Variants in GPHN observed in about 807,000 individuals in gnomAD.
GPHN encodes gephyrin.
GPHN carries 17 observed loss-of-function variants against 95.5 expected under a neutral mutation model. The ratio of observed to expected loss-of-function variants is 0.18; its 90% CI spans 0.12 to 0.27. GPHN has a LOEUF of 0.27. Among genes scored for constraint, GPHN ranks in the 10% least tolerant of loss-of-function variants. The pLI is 1.00. For missense variants in GPHN, 660 were observed against 978.1 expected, an observed-to-expected ratio of 0.67 and a Z score of 4.34; for synonymous variants, 320 against 322.5, an observed-to-expected ratio of 0.99 and a Z score of 0.08.
intron 17 of GPHN, among the ~76,000 whole-genome samples, chr14:67,124,410 C>T (rs146056081): frequency 3.9e-5 from 6 of 151,976 alleles, no homozygotes; most frequent in Admixed American, 2.0e-4. Flanking sequence ...CAGGGCCCCT[C>T]GTCCTAAGAA....
chr14:66,730,985 A>G (rs2071714737), intron 2 of GPHN, among the ~76,000 whole-genome samples: 2 of 152,100 alleles, frequency 1.3e-5, no homozygotes. Context: ...TTCTCGTGAT[A>G]GTGAGTTCTC....
At chr14:66,898,182 T>C (rs1200494651) in intron 5 of GPHN, among the ~76,000 whole-genome samples, 4 of 151,976 alleles carry the variant, frequency 2.6e-5, no homozygotes, top group Non-Finnish European at 2.9e-5. Flanking sequence ...ACAGTGTCAT[T>C]CACAGAGCAA....
At chr14:67,615,576 C>T in the GPHN span, 4 of 532,384 alleles carry the variant, frequency 7.5e-6, no homozygotes, top group Non-Finnish European at 1.5e-5. Context: ...AGAAGAAACA[C>T]CCAGATGCTT....
chr14:66,895,059 A>T (rs9323488), intron 5 of GPHN, among the ~76,000 whole-genome samples: 1 of 151,968 alleles, frequency 6.6e-6, no homozygotes, highest in African/African-American at 2.4e-5. Context: ...ACATGCACAC[A>T]TATGTTTATT....
chr14:67,662,666 G>A, the GPHN span: 1 of 827,452 alleles, frequency 1.2e-6, no homozygotes, highest in South Asian at 1.9e-5. Flanking sequence ...AGCACTTTGG[G>A]AGGCCAAGGC....
the GPHN span, among the ~76,000 whole-genome samples, chr14:67,464,959 G>A: frequency 6.6e-6 from 1 of 152,144 alleles, no homozygotes; most frequent in African/African-American, 2.4e-5. Flanking sequence ...GTGAGCCATC[G>A]GAGTTGTCGG....
At chr14:67,273,663 G>A in the GPHN span, among the ~76,000 whole-genome samples, 2 of 152,152 alleles carry the variant, frequency 1.3e-5, no homozygotes, top group Non-Finnish European at 2.9e-5. Context: ...GGGTCAAATG[G>A]TATTTCTAGT....
the GPHN span, chr14:67,336,140 C>T: frequency 6.6e-6 from 1 of 152,308 alleles, no homozygotes; most frequent in African/African-American, 2.4e-5. Context: ...AGCCTGGGAT[C>T]TGAGGACACT....
At chr14:67,028,644 A>T (rs1439756849) in intron 10 of GPHN, among the ~76,000 whole-genome samples, 1 of 152,066 alleles carries the variant, frequency 6.6e-6, no homozygotes, top group African/African-American at 2.4e-5. Flanking sequence ...TCATATACCT[A>T]TTGGCCATAG....
At chr14:67,223,068 TG>T in the GPHN span, among the ~76,000 whole-genome samples, 1 of 150,952 alleles carries the variant, frequency 6.6e-6, no homozygotes, top group African/African-American at 2.4e-5. Flanking sequence ...GGCACAATCT[TG>T]GCTCACTGCA....
At chr14:67,174,068 A>T (rs2082757302) in intron 21 of GPHN, among the ~76,000 whole-genome samples, 1 of 152,200 alleles carries the variant, frequency 6.6e-6, no homozygotes, top group Non-Finnish European at 1.5e-5. Flanking sequence ...AGCCATCATT[A>T]AGTCAACAAA....
At chr14:67,387,559 A>G in the GPHN span, 1 of 1,153,522 alleles carries the variant, frequency 8.7e-7, no homozygotes, top group Non-Finnish European at 1.2e-6. Context: ...AAAACATACA[A>G]TGATGTATTT....
the GPHN span, among the ~76,000 whole-genome samples, chr14:67,475,041 G>T: frequency 6.7e-6 from 1 of 150,308 alleles, no homozygotes; most frequent in Non-Finnish European, 1.5e-5. Context: ...TCAGACTCCT[G>T]AGTAGCTGGG....
chr14:67,341,260 G>A, the GPHN span, among the ~76,000 whole-genome samples: 1 of 151,990 alleles, frequency 6.6e-6, no homozygotes, highest in Non-Finnish European at 1.5e-5. Context: ...CATCGTCTGA[G>A]ATGTGGGGAG....
At chr14:67,502,577 T>C in the GPHN span, among the ~76,000 whole-genome samples, 109,309 of 150,112 alleles carry the variant, frequency 0.73, 41,604 homozygotes, top group Non-Finnish European at 0.85. Flanking sequence ...CTTAGCCTCC[T>C]GAGTAGCTGG....
At chr14:66,772,331 A>T (rs968887398) in intron 2 of GPHN, among the ~76,000 whole-genome samples, 3 of 152,230 alleles carry the variant, frequency 2.0e-5, no homozygotes, top group Non-Finnish European at 2.9e-5. Context: ...CTTAGATAGC[A>T]GGCCCTGCTT....
At chr14:67,628,631 T>C in the GPHN span, among the ~76,000 whole-genome samples, 6 of 152,242 alleles carry the variant, frequency 3.9e-5, no homozygotes, top group Admixed American at 6.5e-5. Context: ...TTCTAGACAC[T>C]GTGCTAGGCA....
chr14:66,912,836 A>T (rs1217545935), intron 5 of GPHN, among the ~76,000 whole-genome samples: 1 of 152,200 alleles, frequency 6.6e-6, no homozygotes, highest in African/African-American at 2.4e-5. Context: ...AGATTATGTT[A>T]ACCCTTTTAA....
At chr14:67,381,018 A>G in the GPHN span, among the ~76,000 whole-genome samples, 4 of 152,082 alleles carry the variant, frequency 2.6e-5, no homozygotes, top group Admixed American at 2.0e-4. Flanking sequence ...GAGGGGTTTG[A>G]TTGTTTTGTT....
Sources: gnomAD v4.1 joint callset for allele counts (sites outside exome capture counted in the v4.1 genomes callset) on GRCh38, gnomAD v4.1.1 for gene constraint, MANE v1.5 for transcripts, NCBI Gene and HGNC (gene_info 2026-07-23, HGNC 2026-07-21) for gene names.